Variants in ERICH1 observed in about 807,000 individuals in gnomAD.
The protein encoded by ERICH1 is glutamate-rich protein 1.
ERICH1 carries 56 observed loss-of-function variants against 39.6 expected under a neutral mutation model. The observed-to-expected ratio is 1.41, with a 90% confidence interval of 1.14 to 1.77. The LOEUF is 1.77. Among genes scored for constraint, ERICH1 ranks in the 40% most tolerant of loss-of-function variants. The pLI is 0.00. For synonymous variants in ERICH1, 313 were observed against 223.6 expected (o/e 1.40, Z -3.57); for missense variants, 826 against 575.4 (o/e 1.44, Z -4.45).
At chr8:628,961 G>C (rs1797755315) in intron 3 of ERICH1, among the ~76,000 whole-genome samples, 2 of 152,098 alleles carry the variant, frequency 1.3e-5, no homozygotes, top group Admixed American at 6.5e-5. Context: ...GGAGGTGGGA[G>C]GGAGGGCCCG....
In ERICH1 at chr8:625,503, A is replaced by G. The variant is rs112532250; in HGVS notation, c.977-10219T>C. ...TCTGGGTGCATGGTGAGGTCTAAAG[A>G]GCACGGGGTGTCTTGGGGGTAATAC... On this transcript the variant is annotated intron_variant, in intron 3 of 3. Transcript: ENST00000522706. Among the ~76,000 whole-genome samples, 395 of 152,226 alleles carry G rather than the reference A, an allele frequency of 2.6e-3. 2 individuals carry two copies. Among genetic ancestry groups the G allele is most frequent in the African/African-American group, 9.2e-3 (383 of 41,538 alleles).
intron 2 of ERICH1, among the ~76,000 whole-genome samples, chr8:711,440 T>C (rs1180054831): frequency 2.0e-5 from 3 of 152,160 alleles, no homozygotes; most frequent in Non-Finnish European, 4.4e-5. Context: ...GGCACCTAGA[T>C]TGCCTCCCAA....
At chr8:632,245 G>C (rs1333317658) in intron 3 of ERICH1, among the ~76,000 whole-genome samples, 2 of 152,054 alleles carry the variant, frequency 1.3e-5, no homozygotes, top group Admixed American at 6.5e-5. Flanking sequence ...TGTTTATCTT[G>C]ATAACATCTG....
chr8:701,407 G>A (rs1451622078), intron 2 of ERICH1, among the ~76,000 whole-genome samples: 2 of 152,212 alleles, frequency 1.3e-5, no homozygotes, highest in Non-Finnish European at 2.9e-5. Flanking sequence ...CGCCGGACGG[G>A]AGCACGCCTT....
chr8:716,771 G>C (rs138833991), intron 1 of ERICH1, among the ~76,000 whole-genome samples: 1 of 152,120 alleles, frequency 6.6e-6, no homozygotes, highest in Non-Finnish European at 1.5e-5. Flanking sequence ...TAGGAACAGG[G>C]AGGCAGGGAC....
At chr8:644,305 T>C (rs1799352988) in intron 3 of ERICH1, among the ~76,000 whole-genome samples, 1 of 152,382 alleles carries the variant, frequency 6.6e-6, no homozygotes, top group African/African-American at 2.4e-5. Context: ...TTCCATATGC[T>C]GTGGTCATCG....
At chr8:689,728 C>A (rs1808477410) in intron 3 of ERICH1, among the ~76,000 whole-genome samples, 1 of 152,186 alleles carries the variant, frequency 6.6e-6, no homozygotes, top group South Asian at 2.1e-4. Flanking sequence ...TGCCCAGCGT[C>A]CCCACAGTGG....
intron 1 of ERICH1, among the ~76,000 whole-genome samples, chr8:727,335 T>C (rs1819004361): frequency 6.6e-6 from 1 of 152,204 alleles, no homozygotes; most frequent in South Asian, 2.1e-4. Context: ...CTGGCACCAG[T>C]GCCAGCACCG....
chr8:728,292 G>C (rs561296412), intron 1 of ERICH1, among the ~76,000 whole-genome samples: 2 of 152,330 alleles, frequency 1.3e-5, no homozygotes, highest in African/African-American at 4.8e-5. Context: ...AGCAAGTCCT[G>C]TATGGCTCTG....
chr8:640,160 G>A (rs553373216), intron 3 of ERICH1, among the ~76,000 whole-genome samples: 3 of 152,310 alleles, frequency 2.0e-5, no homozygotes, highest in South Asian at 2.1e-4. Flanking sequence ...GGAGATAACC[G>A]AGAAACTGAG....
intron 3 of ERICH1, among the ~76,000 whole-genome samples, chr8:657,120 A>G (rs773109095): frequency 6.6e-6 from 1 of 152,254 alleles, no homozygotes; most frequent in African/African-American, 2.4e-5. Flanking sequence ...GCAATGTGGA[A>G]TATGAAACTG....
chr8:698,343 C>T (rs563976930), intron 2 of ERICH1, among the ~76,000 whole-genome samples: 6 of 152,088 alleles, frequency 3.9e-5, no homozygotes, highest in South Asian at 2.1e-4. Context: ...CTCAGTCTCC[C>T]GAGTACCTGG....
chr8:655,802 T>C (rs1800587990), intron 3 of ERICH1, among the ~76,000 whole-genome samples: 1 of 152,050 alleles, frequency 6.6e-6, no homozygotes. Flanking sequence ...TCCTGCAGAA[T>C]TTCTATTGTT....
intron 2 of ERICH1, among the ~76,000 whole-genome samples, chr8:697,371 C>G (rs1252211998): frequency 6.6e-6 from 1 of 152,196 alleles, no homozygotes; most frequent in East Asian, 1.9e-4. Flanking sequence ...CCACGAGCAA[C>G]TGAATCGGCA....
chr8:677,984 G>A (rs1805245100), intron 3 of ERICH1, among the ~76,000 whole-genome samples: 1 of 152,142 alleles, frequency 6.6e-6, no homozygotes, highest in South Asian at 2.1e-4. Context: ...CAAACAAATG[G>A]TTGCCCTGTT....
chr8:687,830 G>A (rs1166056995), intron 3 of ERICH1, among the ~76,000 whole-genome samples: 1 of 152,162 alleles, frequency 6.6e-6, no homozygotes, highest in Non-Finnish European at 1.5e-5. Context: ...GAGGCGCGGA[G>A]AGGCCCCGGA....
intron 3 of ERICH1, among the ~76,000 whole-genome samples, chr8:619,185 C>A (rs1369518275): frequency 6.6e-6 from 1 of 151,966 alleles, no homozygotes; most frequent in Non-Finnish European, 1.5e-5. Flanking sequence ...GTGTTGCCCA[C>A]CTCCCAGCCC....
At chr8:675,117 T>C (rs1703915) in intron 3 of ERICH1, among the ~76,000 whole-genome samples, 45,924 of 58,028 alleles carry the variant, frequency 0.79, 18,044 homozygotes, top group East Asian at 0.84. Context: ...GACAGAGACG[T>C]GGCGGCCCCT....
intron 2 of ERICH1, among the ~76,000 whole-genome samples, chr8:695,054 G>A (rs56352577): frequency 0.21 from 32,083 of 152,028 alleles, 4,313 homozygotes; most frequent in Non-Finnish European, 0.3. Flanking sequence ...TAGGGTGATA[G>A]GCGGTTGGCT....
Sources: gnomAD v4.1 joint callset for allele counts (sites outside exome capture counted in the v4.1 genomes callset) on GRCh38, gnomAD v4.1.1 for gene constraint, MANE v1.5 for transcripts, NCBI Gene and HGNC (gene_info 2026-07-23, HGNC 2026-07-21) for gene names.